Variants in ANK2 observed in about 807,000 individuals in gnomAD.
The protein encoded by ANK2 is ankyrin 2.
A neutral mutation model predicts 360.5 loss-of-function variants in ANK2; 83 were observed. That is an observed-to-expected ratio of 0.23 (90% confidence interval 0.19 to 0.28). ANK2 has a LOEUF of 0.28. Ranked by LOEUF, ANK2 falls within the 10% of genes least tolerant of loss-of-function variation. The pLI is 1.00. For synonymous variants in ANK2, 1,740 were observed against 1,759.5 expected (o/e 0.99, Z 0.28); for missense variants, 4,201 against 4,795.7 (o/e 0.88, Z 3.66).
chr4:112,952,806 A>T (rs2095110015), intron 2 of ANK2, among the ~76,000 whole-genome samples: 2 of 152,274 alleles, frequency 1.3e-5, no homozygotes, highest in African/African-American at 4.8e-5. Flanking sequence ...ATGCTTCCTC[A>T]TATTGTCTCA....
intron 23 of ANK2, among the ~76,000 whole-genome samples, chr4:113,311,050 G>T (rs546552487): frequency 6.6e-6 from 1 of 152,258 alleles, no homozygotes; most frequent in East Asian, 1.9e-4. Flanking sequence ...CTTCTTCTTG[G>T]TAAGTACTAA....
At chr4:113,340,424 G>A (rs899947202) in intron 32 of ANK2, among the ~76,000 whole-genome samples, 8 of 152,230 alleles carry the variant, frequency 5.3e-5, no homozygotes, top group Non-Finnish European at 1.0e-4. Context: ...TGGGCCTGGT[G>A]GCTCATGCCT....
intron 45 of ANK2, among the ~76,000 whole-genome samples, chr4:113,375,628 G>A (rs1589384330): frequency 1.3e-5 from 2 of 152,148 alleles, no homozygotes; most frequent in East Asian, 3.9e-4. Flanking sequence ...GGGAGGCTGA[G>A]GCAGGAGAAT....
chr4:113,219,876 C>G (rs2099130522), intron 4 of ANK2, among the ~76,000 whole-genome samples: 1 of 152,082 alleles, frequency 6.6e-6, no homozygotes, highest in South Asian at 2.1e-4. Flanking sequence ...GATATACCAA[C>G]TAGGATACCT....
upstream of ANK2, among the ~76,000 whole-genome samples, chr4:112,815,473 TGAG>T (rs1349511357): frequency 2.0e-5 from 3 of 152,154 alleles, no homozygotes; most frequent in African/African-American, 4.8e-5. Flanking sequence ...TCCTAGATAA[TGAG>T]GAGAGATTAG....
chr4:113,171,215 G>A (rs994931839), intron 1 of ANK2, among the ~76,000 whole-genome samples: 1 of 152,144 alleles, frequency 6.6e-6, no homozygotes. Context: ...AAAAATTGCT[G>A]TATCTCTCTC....
chr4:112,953,331 T>C (rs1274420961), intron 2 of ANK2, among the ~76,000 whole-genome samples: 7 of 152,270 alleles, frequency 4.6e-5, no homozygotes, highest in Admixed American at 1.3e-4. Context: ...AAAATAATTA[T>C]TCATGTTTCT....
chr4:112,837,245 C>T (rs1485937530), intron 1 of ANK2, among the ~76,000 whole-genome samples: 1 of 152,230 alleles, frequency 6.6e-6, no homozygotes, highest in African/African-American at 2.4e-5. Flanking sequence ...AGCCCCAAAC[C>T]TTGGCAACGT....
At chr4:113,223,576 A>T (rs1265484804) in intron 4 of ANK2, among the ~76,000 whole-genome samples, 1 of 151,824 alleles carries the variant, frequency 6.6e-6, no homozygotes, top group Non-Finnish European at 1.5e-5. Context: ...GCATTTGAAG[A>T]GCTAAATGAC....
the ANK2 span, among the ~76,000 whole-genome samples, chr4:112,707,233 G>A: frequency 6.6e-6 from 1 of 152,174 alleles, no homozygotes; most frequent in Non-Finnish European, 1.5e-5. Flanking sequence ...GAAAAATAAA[G>A]GAGACTCCAG....
At chr4:112,898,471 A>G (rs1292337751) in intron 1 of ANK2, among the ~76,000 whole-genome samples, 1 of 152,126 alleles carries the variant, frequency 6.6e-6, no homozygotes, top group Non-Finnish European at 1.5e-5. Flanking sequence ...ACTGGATTAC[A>G]TGTTTTGATC....
intron 1 of ANK2, among the ~76,000 whole-genome samples, chr4:113,079,640 C>CT (rs1416915776): frequency 6.6e-6 from 1 of 152,014 alleles, no homozygotes. Context: ...TTGATTTCTT[C>CT]TTTTTTAAAC....
chr4:113,312,873 T>A (rs1158766347), intron 24 of ANK2, among the ~76,000 whole-genome samples: 1 of 152,202 alleles, frequency 6.6e-6, no homozygotes, highest in East Asian at 1.9e-4. Flanking sequence ...ACCTGGAGAT[T>A]GCAGCCACTC....
chr4:113,104,936 C>T (rs747765304), intron 1 of ANK2, among the ~76,000 whole-genome samples: 17 of 151,808 alleles, frequency 1.1e-4, no homozygotes, highest in Non-Finnish European at 2.4e-4. Context: ...GGACAGTGAG[C>T]AGCAGAAACA....
Position 113,233,104 on chromosome 4 carries a change from C to CTTTTTTTTTTT in ANK2, c.483+846_483+847insTTTTTTTTTTT, listed in dbSNP as rs1563056547. Among the ~76,000 whole-genome samples the CTTTTTTTTTTT allele has an allele frequency of 1.4e-4, 4 of 29,296 alleles. 2 individuals carry two copies. Among genetic ancestry groups the CTTTTTTTTTTT allele is most frequent in the Non-Finnish European group, 2.6e-4 (4 of 15,494 alleles). The allele number at this position is 29,296 out of a possible 152,430, so 19.2% of individuals were successfully genotyped here. ...ACCAGAGTATATGGGCTTGGCTTTT[C>CTTTTTTTTTTT]TGTTTTTTTTTTTTTTTTTTTTTTT... On this transcript the variant is annotated intron_variant, in intron 5 of 45. Transcript: ENST00000357077.
chr4:112,732,174 C>G, the ANK2 span, among the ~76,000 whole-genome samples: 2 of 152,008 alleles, frequency 1.3e-5, no homozygotes, highest in African/African-American at 4.8e-5. Context: ...GCTCATTTTA[C>G]TCTCACAATG....
At chr4:112,981,858 G>A (rs968341804) in intron 2 of ANK2, among the ~76,000 whole-genome samples, 15 of 152,292 alleles carry the variant, frequency 9.8e-5, no homozygotes, top group African/African-American at 3.4e-4. Flanking sequence ...AAGATTGTGT[G>A]GGGGCCAGAT....
chr4:113,355,329 A>G lies in ANK2; in HGVS notation c.6711A>G (p.Ala2237=), dbSNP rs1040262969. ...SEESYKHEGL[A]ETPETSPESL... ...AAAGCTATAAGCATGAAGGCCTAGCAGAGACCCCTGAGACGAGCCCAGAAA... is the reference window on the plus strand; with the variant it reads ...AAAGCTATAAGCATGAAGGCCTAGCGGAGACCCCTGAGACGAGCCCAGAAA... Residue 2237 remains alanine, a synonymous_variant, in exon 38 of 46, where the codon GCA becomes GCG. Transcript: ENST00000357077. 21 of 1,614,072 alleles carry G rather than the reference A, an allele frequency of 1.3e-5. No individual in the cohort carries two copies. Among genetic ancestry groups the G allele is most frequent in the Non-Finnish European group, 1.6e-5 (19 of 1,179,980 alleles).
chr4:112,995,117 G>A (rs2048110723), intron 2 of ANK2, among the ~76,000 whole-genome samples: 1 of 152,164 alleles, frequency 6.6e-6, no homozygotes, highest in South Asian at 2.1e-4. Context: ...TTTCCTTTGG[G>A]TATATATTCA....
Sources: allele counts gnomAD v4.1 joint callset (sites outside exome capture counted in the v4.1 genomes callset), GRCh38; gene constraint gnomAD v4.1.1; transcripts MANE v1.5; gene names NCBI Gene and HGNC (gene_info 2026-07-23, HGNC 2026-07-21).